Variants in TDRD12 observed in about 807,000 individuals in gnomAD.
The protein encoded by TDRD12 is putative ATP-dependent RNA helicase TDRD12.
A neutral mutation model predicts 133.5 loss-of-function variants in TDRD12; 158 were observed. That is an observed-to-expected ratio of 1.18 (90% confidence interval 1.04 to 1.35). The LOEUF (loss-of-function observed/expected upper bound fraction) is 1.35. Among genes scored for constraint, TDRD12 ranks in the 40% most tolerant of loss-of-function variants. The pLI, the probability that TDRD12 is intolerant of heterozygous loss-of-function variation, is 0.00. For missense variants in TDRD12, 1,443 were observed against 1,321.3 expected, an observed-to-expected ratio of 1.09 and a Z score of -1.43; for synonymous variants, 460 against 477.9, an observed-to-expected ratio of 0.96 and a Z score of 0.49.
intron 2 of TDRD12, among the ~76,000 whole-genome samples, chr19:32,737,385 A>G (rs1020578255): frequency 6.6e-6 from 1 of 151,892 alleles, no homozygotes; most frequent in South Asian, 2.1e-4. Context: ...TTGTGTTTTT[A>G]GTAGAGACGG....
At position 32,791,642 on chromosome 19, in the gene TDRD12, C is replaced by T. The variant is rs561206829; in HGVS notation, c.1287+574C>T. Among the ~76,000 whole-genome samples the T allele has an allele frequency of 8.5e-5, 13 of 152,108 alleles. No individual in the cohort carries two copies. The South Asian group carries it at 2.1e-3, about 24-fold the overall frequency. On this transcript the variant is annotated intron_variant, in intron 13 of 27. Transcript: ENST00000444215. ...CTTCAGGGAAGGAGTGCTTTGCGAG[C>T]GAGGGGAGCGTGAACCACCAGCTCT...
At chr19:32,824,641 C>T (rs1269264167), downstream of TDRD12, 1 of 152,260 alleles carries the variant, frequency 6.6e-6, no homozygotes, top group Non-Finnish European at 1.5e-5. Context: ...GGTCGTAGCC[C>T]CGTGTCCTGT....
intron 8 of TDRD12, among the ~76,000 whole-genome samples, chr19:32,769,825 G>A (rs1348496925): frequency 9.2e-5 from 14 of 151,940 alleles, no homozygotes; most frequent in Admixed American, 3.3e-4. Flanking sequence ...TAGTAGAGAC[G>A]GGGTTTGTCC....
chr19:32,779,076 T>G (rs1358085482), intron 11 of TDRD12, among the ~76,000 whole-genome samples: 4 of 152,200 alleles, frequency 2.6e-5, no homozygotes, highest in African/African-American at 9.7e-5. Flanking sequence ...GTCCAAAGCC[T>G]GGGGAACCCT....
chr19:32,747,039 A>G (rs976186703), intron 4 of TDRD12, among the ~76,000 whole-genome samples: 8 of 146,100 alleles, frequency 5.5e-5, no homozygotes, highest in Non-Finnish European at 7.4e-5. Context: ...AGGAGGGGAG[A>G]GACTGGCTGA....
intron 2 of TDRD12, among the ~76,000 whole-genome samples, chr19:32,733,298 A>G (rs837924): frequency 6.6e-6 from 1 of 152,036 alleles, no homozygotes; most frequent in Non-Finnish European, 1.5e-5. Context: ...GTGAAACCCC[A>G]TCTCTACTAA....
chr19:32,820,239 C>T (rs1054274087), intron 27 of TDRD12, among the ~76,000 whole-genome samples: 3 of 152,050 alleles, frequency 2.0e-5, no homozygotes, highest in Admixed American at 6.6e-5. Context: ...GTGTGGCTGT[C>T]AGAAGACAGC....
Position 32,826,548 on chromosome 19 carries a change from ACT to A in TDRD12, c.1002_1003del (p.Leu335GlyfsTer50). On this transcript the variant is annotated frameshift_variant, in exon 9 of 10. Coordinates refer to the TDRD12 transcript ENST00000637289. LOFTEE classifies it low-confidence loss of function (END_TRUNC). ...GATTAGAAACGATGAACCTGTAATC[ACT>A]CTGGCCAAAGAGAGAAGGGAGGCAT... 1 of 1,243,684 alleles carries A rather than the reference ACT, an allele frequency of 8.0e-7. No homozygotes were observed. The highest frequency in any genetic ancestry group is 1.0e-6 in the Non-Finnish European group (1 of 994,628). The allele number at this position is 1,243,684 out of a possible 1,614,324, so 77.0% of individuals were successfully genotyped here. A position where few individuals can be genotyped will look rare whatever the true frequency, so the allele number is the denominator to read the frequency against.
intron 4 of TDRD12, among the ~76,000 whole-genome samples, chr19:32,743,929 G>A (rs1969511689): frequency 6.6e-6 from 1 of 151,352 alleles, no homozygotes; most frequent in Non-Finnish European, 1.5e-5. Flanking sequence ...TCAGGAGGCT[G>A]AGGCAGGAGA....
chr19:32,790,926 G>A (rs1392998219), intron 12 of TDRD12, 38 bp from the exon 13 acceptor site: 93 of 1,526,446 alleles, frequency 6.1e-5, no homozygotes, highest in Non-Finnish European at 7.8e-5. Context: ...TGACGCCTCA[G>A]GGCAGACACT....
chr19:32,757,065 A>G, exon 8 of TDRD12: 1 of 1,551,908 alleles, frequency 6.4e-7, no homozygotes, highest in Admixed American at 2.0e-5. Context: ...TTTCCGGCAC[A>G]ATCTCTGCAA....
At chr19:32,804,891 A>G (rs186514679) in intron 21 of TDRD12, among the ~76,000 whole-genome samples, 1 of 151,692 alleles carries the variant, frequency 6.6e-6, no homozygotes, top group Admixed American at 6.6e-5. Context: ...GCGAGATTCC[A>G]TCTCAAAAAA....
chr19:32,802,712 C>T (rs909087724), exon 20 of TDRD12: 3 of 1,536,390 alleles, frequency 2.0e-6, no homozygotes, highest in Non-Finnish European at 2.6e-6. Flanking sequence ...GTGTGTGATT[C>T]ACTTCAGTTT....
At chr19:32,737,164 C>G (rs968910312) in intron 2 of TDRD12, among the ~76,000 whole-genome samples, 1 of 152,174 alleles carries the variant, frequency 6.6e-6, no homozygotes, top group Non-Finnish European at 1.5e-5. Context: ...GTTAAACCAT[C>G]ATAAGTCAGG....
chr19:32,799,728 C>CTTTTTTTTTT (rs71176153), intron 16 of TDRD12, among the ~76,000 whole-genome samples: 24 of 78,434 alleles, frequency 3.1e-4, no homozygotes, highest in Middle Eastern at 0.011. Context: ...TAGTTTTTGC[C>CTTTTTTTTTT]TTTTTTTTTT....
intron 1 of TDRD12, among the ~76,000 whole-genome samples, 195 bp from the exon 2 acceptor site, chr19:32,731,530 A>G (rs1014222982): frequency 1.1e-4 from 16 of 152,200 alleles, no homozygotes; most frequent in African/African-American, 3.9e-4. Context: ...GAGTCACAAC[A>G]CATAATTGAG....
At chr19:32,790,746 G>T in intron 12 of TDRD12, 155 bp downstream of exon 12, 6 of 1,522,712 alleles carry the variant, frequency 3.9e-6, no homozygotes, top group Non-Finnish European at 2.6e-6. Context: ...ACGATCGAAT[G>T]GATTGTTGCT....
chr19:32,733,430 A>T (rs1378870724), intron 2 of TDRD12, among the ~76,000 whole-genome samples: 2 of 151,288 alleles, frequency 1.3e-5, no homozygotes, highest in Admixed American at 6.6e-5. Context: ...AGATCACGCC[A>T]TTGCACTCCA....
In TDRD12 at chr19:32,826,617, A is replaced by C; in HGVS notation, c.1049+19A>C. 1 of 1,236,316 alleles carries C rather than the reference A, an allele frequency of 8.1e-7. No homozygotes were observed. Among genetic ancestry groups the C allele is most frequent in the African/African-American group, 1.5e-5 (1 of 64,586 alleles). The allele number at this position is 1,236,316 out of a possible 1,614,324, so 76.6% of individuals were successfully genotyped here. A position where few individuals can be genotyped will look rare whatever the true frequency, so the allele number is the denominator to read the frequency against. The stretch of plus-strand genomic sequence containing the variant: ...ACAGAGGGTGAGTTGGGATGCACTC[A>C]GCGGGTGGTCTTTACCCTGCGTGTG... On this transcript the variant is annotated intron_variant, in intron 9 of 9. Transcript: ENST00000637289.
Sources: gnomAD v4.1 joint callset for allele counts (sites outside exome capture counted in the v4.1 genomes callset) on GRCh38, gnomAD v4.1.1 for gene constraint, MANE v1.5 for transcripts, NCBI Gene and HGNC (gene_info 2026-07-23, HGNC 2026-07-21) for gene names.